The following PDE10A variants were observed in gnomAD, a reference collection of about 807,000 sequenced individuals.
The protein encoded by PDE10A is cAMP and cAMP-inhibited cGMP 3',5'-cyclic phosphodiesterase 10A.
In PDE10A, 39 loss-of-function variants were observed where a neutral mutation model predicts 97.7. The observed-to-expected ratio is 0.40, with a 90% confidence interval of 0.31 to 0.52. The LOEUF is 0.52. Ranked by LOEUF, PDE10A falls within the 20% of genes least tolerant of loss-of-function variation. PDE10A has a pLI of 0.56. For missense variants in PDE10A, 731 were observed against 1,047.8 expected, an observed-to-expected ratio of 0.70 and a Z score of 4.17; for synonymous variants, 371 against 376.8, an observed-to-expected ratio of 0.98 and a Z score of 0.18.
chr6:165,574,002 G>A (rs763677713), intron 1 of PDE10A, among the ~76,000 whole-genome samples: 10 of 152,228 alleles, frequency 6.6e-5, no homozygotes, highest in Non-Finnish European at 1.2e-4. Context: ...GAACCCTGGA[G>A]GAAGGAAGGT....
At chr6:165,827,308 C>A (rs919707108) in intron 1 of PDE10A, among the ~76,000 whole-genome samples, 1 of 152,140 alleles carries the variant, frequency 6.6e-6, no homozygotes, top group African/African-American at 2.4e-5. Flanking sequence ...AGGGGTGACG[C>A]GGGGCGGGGG....
At chr6:165,849,937 A>G (rs1210606552) in intron 1 of PDE10A, among the ~76,000 whole-genome samples, 2 of 152,160 alleles carry the variant, frequency 1.3e-5, no homozygotes, top group African/African-American at 2.4e-5. Flanking sequence ...CCTTTTAATC[A>G]CACGGAATCT....
At chr6:165,695,452 C>A (rs1267205985) in intron 1 of PDE10A, among the ~76,000 whole-genome samples, 2 of 152,164 alleles carry the variant, frequency 1.3e-5, no homozygotes, top group East Asian at 3.9e-4. Context: ...GGGCCCTCCC[C>A]AGCACCCAGC....
At chr6:165,734,444 A>G (rs1367667857) in intron 1 of PDE10A, among the ~76,000 whole-genome samples, 1 of 152,232 alleles carries the variant, frequency 6.6e-6, no homozygotes, top group Non-Finnish European at 1.5e-5. Context: ...CAGAAGCTAG[A>G]ACAAGCAAAA....
intron 1 of PDE10A, among the ~76,000 whole-genome samples, chr6:165,903,812 G>A (rs11751530): frequency 0.059 from 9,002 of 152,258 alleles, 391 homozygotes; most frequent in South Asian, 0.13. Flanking sequence ...GGAAACAGGA[G>A]GATGAGACGT....
intron 1 of PDE10A, among the ~76,000 whole-genome samples, chr6:165,853,151 G>A (rs555758677): frequency 2.0e-5 from 3 of 152,302 alleles, no homozygotes; most frequent in Admixed American, 6.5e-5. Context: ...GTCCCGGAGC[G>A]GGTACCTCCT....
chr6:165,458,903 T>C (rs1778126458), intron 3 of PDE10A, among the ~76,000 whole-genome samples: 1 of 152,100 alleles, frequency 6.6e-6, no homozygotes, highest in Non-Finnish European at 1.5e-5. Flanking sequence ...CCCAAAAATG[T>C]CCTATAAAGG....
chr6:165,398,686 A>G (rs1260262476), intron 13 of PDE10A, among the ~76,000 whole-genome samples: 1 of 152,166 alleles, frequency 6.6e-6, no homozygotes, highest in East Asian at 1.9e-4. Flanking sequence ...ATCAATGAAA[A>G]CTCTTTGTGG....
intron 1 of PDE10A, among the ~76,000 whole-genome samples, chr6:165,981,136 C>T (rs1785001201): frequency 6.6e-6 from 1 of 152,002 alleles, no homozygotes; most frequent in Non-Finnish European, 1.5e-5. Flanking sequence ...TAAATATAGG[C>T]CATTTACAAC....
At chr6:165,901,695 G>A (rs1437613966) in intron 1 of PDE10A, among the ~76,000 whole-genome samples, 5 of 152,206 alleles carry the variant, frequency 3.3e-5, no homozygotes, top group East Asian at 1.9e-4. Flanking sequence ...CCAGCTACTC[G>A]GGAGGCTGAG....
intron 1 of PDE10A, among the ~76,000 whole-genome samples, chr6:165,785,059 A>G (rs1391987718): frequency 6.6e-6 from 1 of 152,214 alleles, no homozygotes; most frequent in Non-Finnish European, 1.5e-5. Flanking sequence ...ACTCTGTGGG[A>G]TAATTTCTTG....
At chr6:165,424,276 A>T (rs1313017715) in intron 10 of PDE10A, among the ~76,000 whole-genome samples, 1 of 152,198 alleles carries the variant, frequency 6.6e-6, no homozygotes, top group South Asian at 2.1e-4. Context: ...TTTCATAGTT[A>T]TGTTGATATT....
At chr6:165,980,884 C>T (rs539095658) in intron 1 of PDE10A, among the ~76,000 whole-genome samples, 6 of 152,248 alleles carry the variant, frequency 3.9e-5, no homozygotes, top group South Asian at 2.1e-4. Context: ...TTTCATGTCA[C>T]GGTTGGGCAG....
chr6:165,830,120 A>C (rs1670310663), intron 1 of PDE10A, among the ~76,000 whole-genome samples: 1 of 152,238 alleles, frequency 6.6e-6, no homozygotes, highest in South Asian at 2.1e-4. Flanking sequence ...TTCTGGGGTC[A>C]AAAATGCTGT....
chr6:165,839,936 T>TCCCCATCCCC (rs149203848), intron 1 of PDE10A, among the ~76,000 whole-genome samples: 1 of 29,020 alleles, frequency 3.4e-5, no homozygotes, highest in Non-Finnish European at 8.2e-5. Context: ...TCTCCATTCT[T>TCCCCATCCCC]ATCTTCATTT....
At chr6:165,912,949 A>T (rs537334060) in intron 1 of PDE10A, among the ~76,000 whole-genome samples, 1 of 152,360 alleles carries the variant, frequency 6.6e-6, no homozygotes, top group African/African-American at 2.4e-5. Context: ...GTACACATAT[A>T]TATACAGGTT....
chr6:165,568,530 T>C (rs1336910506), intron 1 of PDE10A, among the ~76,000 whole-genome samples: 5 of 152,174 alleles, frequency 3.3e-5, no homozygotes, highest in African/African-American at 9.7e-5. Flanking sequence ...TTGTCCAGCG[T>C]CTCCATGCTG....
chr6:165,542,026 A>AT, intron 2 of PDE10A, among the ~76,000 whole-genome samples: 1 of 152,196 alleles, frequency 6.6e-6, no homozygotes, highest in Non-Finnish European at 1.5e-5. Context: ...ACAATTATAC[A>AT]TTTTTATTCA....
At chr6:165,894,262 A>G (rs1781880887) in intron 1 of PDE10A, 1 of 455,382 alleles carries the variant, frequency 2.2e-6, no homozygotes, top group Admixed American at 2.4e-5. Context: ...CAGGTTTTTC[A>G]GTGATTTGGT....
Sources: gnomAD v4.1 joint callset for allele counts (sites outside exome capture counted in the v4.1 genomes callset) on GRCh38, gnomAD v4.1.1 for gene constraint, MANE v1.5 for transcripts, NCBI Gene and HGNC (gene_info 2026-07-23, HGNC 2026-07-21) for gene names.